Variants in SLC9A9 observed in about 807,000 individuals in gnomAD.
The protein encoded by SLC9A9 is sodium/hydrogen exchanger 9.
A neutral mutation model predicts 77.8 loss-of-function variants in SLC9A9; 62 were observed. That is an observed-to-expected ratio of 0.80 (90% CI 0.65 to 0.98). The LOEUF is 0.98. Among genes scored for constraint, SLC9A9 ranks in the 50% least tolerant of loss-of-function variants. The pLI, the probability that SLC9A9 is intolerant of heterozygous loss-of-function variation, is 0.00. For synonymous variants in SLC9A9, 320 were observed against 283.5 expected, an observed-to-expected ratio of 1.13 and a Z score of -1.29; for missense variants, 775 against 774.9, an observed-to-expected ratio of 1.00 and a Z score of 0.00.
chr3:143,560,391 A>G (rs1052558365), intron 8 of SLC9A9, among the ~76,000 whole-genome samples: 7 of 152,244 alleles, frequency 4.6e-5, no homozygotes, highest in Non-Finnish European at 7.3e-5. Flanking sequence ...TGGAACAATT[A>G]TAAGACATCT....
intron 14 of SLC9A9, among the ~76,000 whole-genome samples, chr3:143,291,185 C>T (rs989964588): frequency 6.6e-5 from 10 of 152,104 alleles, no homozygotes; most frequent in Non-Finnish European, 1.2e-4. Context: ...CTTCACATGC[C>T]GTCACCCTCC....
At chr3:143,312,441 AAGG>A (rs1339470341) in intron 14 of SLC9A9, among the ~76,000 whole-genome samples, 1 of 152,218 alleles carries the variant, frequency 6.6e-6, no homozygotes, top group Non-Finnish European at 1.5e-5. Context: ...CAGAGGAGAG[AAGG>A]AGGTGAGCTG....
intron 4 of SLC9A9, among the ~76,000 whole-genome samples, chr3:143,793,918 T>C (rs182369933): frequency 6.2e-4 from 95 of 152,278 alleles, no homozygotes; most frequent in Admixed American, 6.2e-3. Context: ...ACCATTTAAG[T>C]GTCCAAACTT....
At chr3:143,370,861 T>A (rs1054091579) in intron 13 of SLC9A9, among the ~76,000 whole-genome samples, 1 of 152,074 alleles carries the variant, frequency 6.6e-6, no homozygotes. Context: ...ATTGGATAAC[T>A]GGCAGCAAAG....
chr3:143,440,697 T>C (rs2034717192), intron 12 of SLC9A9, among the ~76,000 whole-genome samples: 1 of 152,238 alleles, frequency 6.6e-6, no homozygotes, highest in Non-Finnish European at 1.5e-5. Flanking sequence ...AATGTAGTGA[T>C]ACTCTCTTTG....
At chr3:143,674,048 G>A (rs977611439) in intron 5 of SLC9A9, among the ~76,000 whole-genome samples, 1 of 152,170 alleles carries the variant, frequency 6.6e-6, no homozygotes, top group Admixed American at 6.5e-5. Flanking sequence ...TAAAGTGCCT[G>A]AGAAGAATTC....
intron 4 of SLC9A9, among the ~76,000 whole-genome samples, chr3:143,734,658 C>T (rs2108812477): frequency 6.7e-6 from 1 of 149,636 alleles, no homozygotes; most frequent in Admixed American, 6.7e-5. Context: ...CACTTGAACC[C>T]AGGAGGCGGA....
chr3:143,514,112 T>G (rs1395652196), intron 9 of SLC9A9, among the ~76,000 whole-genome samples: 2 of 152,174 alleles, frequency 1.3e-5, no homozygotes, highest in African/African-American at 4.8e-5. Context: ...TTTTTGTCCT[T>G]ACAATAGTTT....
chr3:143,723,819 AGT>A (rs886123445), intron 4 of SLC9A9, among the ~76,000 whole-genome samples: 6 of 152,164 alleles, frequency 3.9e-5, no homozygotes, highest in Non-Finnish European at 7.3e-5. Flanking sequence ...GTTACCTGAG[AGT>A]GTGTTGAAAA....
intron 8 of SLC9A9, among the ~76,000 whole-genome samples, chr3:143,553,310 T>C (rs1359184927): frequency 1.3e-5 from 2 of 151,944 alleles, no homozygotes; most frequent in Admixed American, 1.3e-4. Flanking sequence ...TGGGCTGGAG[T>C]GGGGAAGCAG....
chr3:143,844,762 TTTCTTTCTTTC>T (rs2009794099), intron 1 of SLC9A9, among the ~76,000 whole-genome samples: 1 of 149,618 alleles, frequency 6.7e-6, no homozygotes, highest in Non-Finnish European at 1.5e-5. Flanking sequence ...TCTTTCTTTC[TTTCTTTCTTTC>T]TTTCTTTCTT....
intron 12 of SLC9A9, among the ~76,000 whole-genome samples, chr3:143,409,416 T>C (rs1559903405): frequency 6.6e-6 from 1 of 152,210 alleles, no homozygotes; most frequent in South Asian, 2.1e-4. Context: ...GAATGATGGC[T>C]TAGCTGCTCA....
intron 4 of SLC9A9, among the ~76,000 whole-genome samples, chr3:143,740,626 A>T (rs1196631051): frequency 1.3e-5 from 2 of 152,230 alleles, no homozygotes; most frequent in African/African-American, 4.8e-5. Context: ...AGATTAATTT[A>T]TTTAATAAAT....
intron 1 of SLC9A9, among the ~76,000 whole-genome samples, chr3:143,844,709 TTCTCTTTCTTTCTTTCTTTCTTTCTTTC>T (rs1206964329): frequency 1.0e-4 from 15 of 148,950 alleles, no homozygotes; most frequent in African/African-American, 3.5e-4. Context: ...TTAACTTTCT[TTCTCTTTCTTTCTTTCTTTCTTTCTTTC>T]TTTCTTTCTT....
intron 13 of SLC9A9, among the ~76,000 whole-genome samples, chr3:143,367,235 C>T (rs181260411): frequency 4.1e-4 from 63 of 152,320 alleles, no homozygotes; most frequent in Admixed American, 7.2e-4. Flanking sequence ...TTAACACATG[C>T]AATCTCTTTC....
intron 14 of SLC9A9, among the ~76,000 whole-genome samples, chr3:143,322,938 C>G (rs961376158): frequency 3.3e-5 from 5 of 151,786 alleles, no homozygotes; most frequent in African/African-American, 1.2e-4. Flanking sequence ...CAAAACAAAA[C>G]AAACAAAAAA....
chr3:143,707,103 A>T (rs564557347), intron 4 of SLC9A9, among the ~76,000 whole-genome samples: 1 of 152,134 alleles, frequency 6.6e-6, no homozygotes, highest in Non-Finnish European at 1.5e-5. Context: ...TGACCATCCC[A>T]AAATTTTGTT....
At chr3:143,467,256 A>G in intron 11 of SLC9A9, 66 bp from the exon 12 acceptor site, 2 of 1,585,284 alleles carry the variant, frequency 1.3e-6, no homozygotes, top group Non-Finnish European at 1.7e-6. Context: ...CAATGGATTC[A>G]TCTTTACAAT....
chr3:143,499,365 A>G (rs1050696891), intron 9 of SLC9A9, among the ~76,000 whole-genome samples: 9 of 151,988 alleles, frequency 5.9e-5, no homozygotes, highest in Non-Finnish European at 1.3e-4. Flanking sequence ...CTTTGTTTAG[A>G]TTTATTCCTA....
Sources: allele counts gnomAD v4.1 joint callset (sites outside exome capture counted in the v4.1 genomes callset), GRCh38; gene constraint gnomAD v4.1.1; transcripts MANE v1.5; gene names NCBI Gene and HGNC (gene_info 2026-07-23, HGNC 2026-07-21).